PDE4D: variants seen among roughly 807,000 people sequenced by gnomAD.
PDE4D encodes the protein phosphodiesterase 4D.
A neutral mutation model predicts 87.4 loss-of-function variants in PDE4D; 24 were observed. The ratio of observed to expected loss-of-function variants is 0.27; its 90% CI spans 0.20 to 0.39. The LOEUF is 0.39. Ranked by LOEUF, PDE4D falls within the 10% of genes least tolerant of loss-of-function variation. PDE4D has a pLI of 1.00. For synonymous variants in PDE4D, 384 were observed against 383.2 expected (o/e 1.00, Z -0.02); for missense variants, 714 against 1,041.0 (o/e 0.69, Z 4.32).
chr5:59,092,429 G>A (rs1289004216), intron 5 of PDE4D, among the ~76,000 whole-genome samples: 1 of 152,162 alleles, frequency 6.6e-6, no homozygotes, highest in Non-Finnish European at 1.5e-5. Context: ...CTATTAATCT[G>A]AAGAAGTTTC....
At chr5:59,730,815 G>A (rs1184467587) in intron 1 of PDE4D, among the ~76,000 whole-genome samples, 1 of 152,088 alleles carries the variant, frequency 6.6e-6, no homozygotes, top group East Asian at 1.9e-4. Flanking sequence ...AATAAAAGGA[G>A]GTCATGATTG....
rs376449928 is a variant in PDE4D, at chr5:60,197,086, T to C, written c.-89-11399A>G. On this transcript the variant is annotated intron_variant, in intron 1 of 16. Transcript: ENST00000502484. ...ATAGATAGATAGACAGTTAGATAGA[T>C]AGATAGATAGATAGATAGATAGATA... is the stretch of plus-strand genomic sequence containing the variant. Among the ~76,000 whole-genome samples the C allele has an allele frequency of 9.9e-3, 948 of 95,442 alleles. 12 individuals carry two copies. The highest frequency in any genetic ancestry group is 0.031 in the African/African-American group (809 of 25,806). 62.6% of individuals were successfully genotyped at this position (95,442 alleles called of 152,430 possible).
intron 4 of PDE4D, 120 bp from the exon 5 acceptor site, chr5:59,180,764 C>T: frequency 1.1e-6 from 1 of 943,838 alleles, no homozygotes; most frequent in South Asian, 1.5e-5. Flanking sequence ...TTTGGACACG[C>T]AAATGATTTC....
Position 59,803,624 on chromosome 5 carries a change from T to G in PDE4D, c.455+89544A>C, listed in dbSNP as rs192155101. On this transcript the variant is annotated intron_variant, in intron 1 of 14. Coordinates refer to ENST00000340635, the MANE Select transcript of PDE4D (RefSeq NM_001104631.2). ...CCAGCAATGAGTTCTTACAACCACT[T>G]CAGGGGATTCTGGCACTCCAGGTAA... Among the ~76,000 whole-genome samples the G allele has an allele frequency of 3.3e-3, 501 of 151,874 alleles. 4 individuals carry two copies. Among genetic ancestry groups the G allele is most frequent in the African/African-American group, 0.011 (467 of 41,158 alleles).
chr5:59,490,311 T>C (rs1192287294), intron 1 of PDE4D, among the ~76,000 whole-genome samples: 5 of 152,188 alleles, frequency 3.3e-5, no homozygotes, highest in African/African-American at 1.2e-4. Flanking sequence ...GCATGCAAAA[T>C]AGCTTTTCTT....
chr5:60,163,977 G>T (rs1015005164), intron 2 of PDE4D, among the ~76,000 whole-genome samples: 1 of 152,098 alleles, frequency 6.6e-6, no homozygotes, highest in East Asian at 1.9e-4. Context: ...GGTAAATGCT[G>T]ATCTATCTGT....
intron 1 of PDE4D, among the ~76,000 whole-genome samples, chr5:60,482,904 A>G (rs1458015932): frequency 6.6e-6 from 1 of 152,186 alleles, no homozygotes; most frequent in Non-Finnish European, 1.5e-5. Flanking sequence ...TAGCTGCAAA[A>G]TATATAGATG....
Position 59,699,992 on chromosome 5 carries a change from G to A in PDE4D, c.455+193176C>T, listed in dbSNP as rs1752332578. 2.0e-5 allele frequency among the ~76,000 whole-genome samples: 3 copies of A among 152,110 alleles called. No homozygotes were observed. The South Asian group carries it at 6.2e-4, about 31-fold the overall frequency. ...GCCTCAGGCAGGATCCCTTTAGTTT[G>A]AGTAGATATATTTAATCTAATAGTG... On this transcript the variant is annotated intron_variant, in intron 1 of 14. Transcript: ENST00000340635.
chr5:60,061,049 C>T lies in PDE4D; in HGVS notation c.43-72332G>A, dbSNP rs548889771. 2.0e-4 allele frequency among the ~76,000 whole-genome samples: 31 copies of T among 152,234 alleles called. 1 individual carries two copies. The East Asian group carries it at 5.2e-3, about 26-fold the overall frequency. On this transcript the variant is annotated intron_variant, in intron 2 of 16. Coordinates refer to the PDE4D transcript ENST00000502484. The stretch of plus-strand genomic sequence containing the variant: ...ACAAGGATGCCCTCTCTCTCCACTC[C>T]TATTCAACATAGTATTGGATGTTCT...
chr5:60,249,087 CT>C (rs1748135159), intron 1 of PDE4D, among the ~76,000 whole-genome samples: 1 of 151,982 alleles, frequency 6.6e-6, no homozygotes, highest in South Asian at 2.1e-4. Context: ...AAAGTGGCTC[CT>C]CTGAAAAAAC....
At position 59,125,264 on chromosome 5, in the gene PDE4D, A is replaced by G. The variant is rs990436175; in HGVS notation, c.808+55331T>C. The G allele has an allele frequency of 5.1e-6, 5 of 984,722 alleles. No individual in the cohort carries two copies. In the African/African-American group the frequency reaches 8.7e-5, roughly 17 times the overall value. The allele number at this position is 984,722 out of a possible 1,614,324, so 61.0% of individuals were successfully genotyped here. A position where few individuals can be genotyped will look rare whatever the true frequency, so the allele number is the denominator to read the frequency against. On this transcript the variant is annotated intron_variant, in intron 5 of 14. Coordinates refer to ENST00000340635, the MANE Select transcript of PDE4D (RefSeq NM_001104631.2). The stretch of plus-strand genomic sequence containing the variant: ...TGCTTCTTCCCTATGAAGTACAGCC[A>G]GACCTTAGGGAAAATCTCAACTATT...
intron 1 of PDE4D, among the ~76,000 whole-genome samples, chr5:60,254,384 C>A (rs1029382393): frequency 1.3e-4 from 20 of 151,942 alleles, no homozygotes; most frequent in Admixed American, 1.1e-3. Flanking sequence ...GTCAAAGATG[C>A]TATCTTGTCC....
intron 3 of PDE4D, among the ~76,000 whole-genome samples, chr5:59,953,404 G>C (rs1415188455): frequency 6.6e-6 from 1 of 151,756 alleles, no homozygotes; most frequent in Non-Finnish European, 1.5e-5. Context: ...GAAACAATTA[G>C]ACTATTATTT....
At chr5:59,108,927 T>A (rs1205547957) in intron 5 of PDE4D, among the ~76,000 whole-genome samples, 8 of 114,456 alleles carry the variant, frequency 7.0e-5, no homozygotes, top group East Asian at 2.2e-4. Context: ...AAGAAAGAAA[T>A]TAAAAAAAAC....
chr5:59,931,132 A>G (rs1755867761), intron 3 of PDE4D, among the ~76,000 whole-genome samples: 1 of 152,258 alleles, frequency 6.6e-6, no homozygotes, highest in African/African-American at 2.4e-5. Context: ...TCAAAGCAAT[A>G]CTTTTCAAGA....
chr5:59,909,636 C>T (rs760692080), intron 3 of PDE4D, among the ~76,000 whole-genome samples: 6 of 152,116 alleles, frequency 3.9e-5, no homozygotes, highest in East Asian at 1.9e-4. Context: ...CCACCCACCT[C>T]GGCCTCCCAA....
chr5:59,637,445 C>T (rs1298540117), intron 1 of PDE4D, among the ~76,000 whole-genome samples: 1 of 151,826 alleles, frequency 6.6e-6, no homozygotes, highest in Non-Finnish European at 1.5e-5. Context: ...GACACATGCA[C>T]GTGTATGTTT....
chr5:59,981,699 G>T (rs1339331731), intron 3 of PDE4D, among the ~76,000 whole-genome samples: 3 of 152,112 alleles, frequency 2.0e-5, no homozygotes, highest in African/African-American at 4.8e-5. Context: ...GAAGGTACAG[G>T]CTTCATGGTA....
chr5:59,272,628 T>C (rs572529957), intron 1 of PDE4D, among the ~76,000 whole-genome samples: 85 of 152,232 alleles, frequency 5.6e-4, no homozygotes, highest in Middle Eastern at 3.4e-3. Context: ...CAACCTAGTA[T>C]ACACCTTTAT....
Sources: gnomAD v4.1 joint callset for allele counts (sites outside exome capture counted in the v4.1 genomes callset) on GRCh38, gnomAD v4.1.1 for gene constraint, MANE v1.5 for transcripts, NCBI Gene and HGNC (gene_info 2026-07-23, HGNC 2026-07-21) for gene names.